Variants in WDR86 observed in about 807,000 individuals in gnomAD.
WDR86 encodes WD repeat-containing protein 86.
A neutral mutation model predicts 36.5 loss-of-function variants in WDR86; 30 were observed. The ratio of observed to expected loss-of-function variants is 0.82; its 90% confidence interval spans 0.61 to 1.11. The LOEUF is 1.11. Among genes scored for constraint, WDR86 ranks in the 50% most tolerant of loss-of-function variants. The pLI is 0.00. For missense variants in WDR86, 545 were observed against 561.2 expected, an observed-to-expected ratio of 0.97 and a Z score of 0.29; for synonymous variants, 255 against 252.9, an observed-to-expected ratio of 1.01 and a Z score of -0.08.
At chr7:151,408,194 C>CTTTTTTTTTTTTTT (rs1167346483) in intron 1 of WDR86, among the ~76,000 whole-genome samples, 1 of 124,672 alleles carries the variant, frequency 8.0e-6, no homozygotes, top group African/African-American at 3.2e-5. Flanking sequence ...TTTTTCTTTT[C>CTTTTTTTTTTTTTT]TTTTCTTTTT....
intron 2 of WDR86, among the ~76,000 whole-genome samples, chr7:151,398,028 A>G (rs564396399): frequency 1.3e-5 from 2 of 152,238 alleles, no homozygotes; most frequent in African/African-American, 4.8e-5. Flanking sequence ...TTACTTAATC[A>G]TGCAAATATC....
At chr7:151,389,118 C>CTTTTTTTTTTTTTTTTTT (rs34882878) in intron 3 of WDR86, among the ~76,000 whole-genome samples, 1 of 125,574 alleles carries the variant, frequency 8.0e-6, no homozygotes, top group Non-Finnish European at 1.7e-5. Context: ...CTTTTCTTTC[C>CTTTTTTTTTTTTTTTTTT]TTTTTTTTTT....
intron 4 of WDR86, among the ~76,000 whole-genome samples, chr7:151,384,290 C>T (rs145350541): frequency 5.3e-5 from 8 of 152,284 alleles, no homozygotes; most frequent in African/African-American, 1.7e-4. Context: ...CCAAAATAAC[C>T]CTGATTCCAT....
chr7:151,376,202 T>C (rs1315325946), downstream of WDR86: 1 of 491,484 alleles, frequency 2.0e-6, no homozygotes, highest in East Asian at 3.8e-5. Context: ...GCACCACTGT[T>C]TGCATCAGCC....
At chr7:151,400,988 G>T (rs1404997815) in intron 1 of WDR86, among the ~76,000 whole-genome samples, 1 of 152,220 alleles carries the variant, frequency 6.6e-6, no homozygotes, top group Non-Finnish European at 1.5e-5. Flanking sequence ...GGAGATTTAA[G>T]ATGCCAGTGA....
At chr7:151,375,597 G>A (rs760162334), downstream of WDR86, among the ~76,000 whole-genome samples, 1 of 152,176 alleles carries the variant, frequency 6.6e-6, no homozygotes, top group African/African-American at 2.4e-5. Context: ...GCTTCCACCT[G>A]CTCTCCATCC....
chr7:151,385,995 C>T (rs1051721079), intron 3 of WDR86, among the ~76,000 whole-genome samples: 7 of 152,304 alleles, frequency 4.6e-5, no homozygotes, highest in African/African-American at 1.7e-4. Context: ...CCAGGGCGGG[C>T]AGGCGGGCTC....
At chr7:151,397,033 A>G (rs2150818245) in intron 2 of WDR86, among the ~76,000 whole-genome samples, 1 of 152,392 alleles carries the variant, frequency 6.6e-6, no homozygotes, top group East Asian at 1.9e-4. Context: ...ATTTGTCTTT[A>G]GTGCAGAGCT....
chr7:151,376,100 G>A lies in WDR86; in HGVS notation n.1190C>T, dbSNP rs531629840. ...CCTGCCCACCTCAGAGGCCACCCAC[G>A]CAGTAACAGAGGGCAGGGGAGGCCT... On this transcript the variant is annotated non_coding_transcript_exon_variant, in exon 2 of 2. Coordinates refer to the WDR86 transcript ENST00000463000. 17 of 617,164 alleles carry A rather than the reference G, an allele frequency of 2.8e-5. No individual in the cohort carries two copies. The African/African-American group carries it at 2.9e-4, about 11-fold the overall frequency. The allele number at this position is 617,164 out of a possible 1,614,324, so 38.2% of individuals were successfully genotyped here.
rs748939517 is a variant in WDR86 at position 151,400,147 on chromosome 7, G to C, written c.258C>G (p.Thr86=). The C allele has an allele frequency of 1.2e-6, 2 of 1,611,818 alleles. No homozygotes were observed. The highest frequency in any genetic ancestry group is 2.7e-5 in the African/African-American group (2 of 74,874). The change falls in exon 2 of 6, where the codon ACC becomes ACG. Residue 86 remains threonine, a synonymous_variant. Coordinates refer to ENST00000334493, the MANE Select transcript of WDR86 (RefSeq NM_198285.3). ...DCTIRRWDVL[T]GQCLQVYRGH... is the part of the protein sequence containing the mutation. ...CTCGGTACACCTGCAGACACTGCCC[G>C]GTCAGCACGTCCCACCTCCTGATGG...
At chr7:151,370,468 T>G in the WDR86 span, among the ~76,000 whole-genome samples, 1 of 152,214 alleles carries the variant, frequency 6.6e-6, no homozygotes, top group Admixed American at 6.5e-5. Flanking sequence ...CTGATACTGA[T>G]TTATTGCTTT....
At chr7:151,396,554 A>G (rs1799838707) in intron 2 of WDR86, among the ~76,000 whole-genome samples, 1 of 152,190 alleles carries the variant, frequency 6.6e-6, no homozygotes, top group African/African-American at 2.4e-5. Context: ...GGGGGAAGGT[A>G]GGGGAGCACG....
Position 151,409,899 on chromosome 7 carries a change from C to A in WDR86, c.-310G>T. 1 of 1,129,600 alleles carries A rather than the reference C, an allele frequency of 8.9e-7. No homozygotes were observed. The highest frequency in any genetic ancestry group is 1.6e-5 in the African/African-American group (1 of 61,932). 70.0% of individuals were successfully genotyped at this position (1,129,600 alleles called of 1,614,324 possible). ...CACCGCTCGGAGGATCCACACCCCA[C>A]CGGGCGAACAAGGCAGCTGCGTCTC... On this transcript the variant is annotated 5_prime_UTR_variant, in exon 1 of 6. Coordinates refer to ENST00000334493, the MANE Select transcript of WDR86 (RefSeq NM_198285.3). The surrounding 1 kb of genome is among the most constrained non-coding windows in gnomAD (Gnocchi z 5.2).
At chr7:151,376,146 G>C, downstream of WDR86, 1 of 546,704 alleles carries the variant, frequency 1.8e-6, no homozygotes, top group South Asian at 2.0e-5. Context: ...CAGGAAAACT[G>C]GGGAAGTGTC....
downstream of WDR86, chr7:151,376,682 G>T (rs1479198581): frequency 6.2e-7 from 1 of 1,611,348 alleles, no homozygotes. Context: ...TGCGCTGAGA[G>T]TGTTCAGAGG....
intron 3 of WDR86, among the ~76,000 whole-genome samples, chr7:151,385,478 C>G (rs1341677204): frequency 6.6e-6 from 1 of 152,244 alleles, no homozygotes; most frequent in Non-Finnish European, 1.5e-5. Flanking sequence ...GGGCCAGTCC[C>G]TGGCTCTCTG....
At chr7:151,398,574 TTGTA>T (rs1241045204) in intron 2 of WDR86, among the ~76,000 whole-genome samples, 1 of 136,540 alleles carries the variant, frequency 7.3e-6, no homozygotes. Flanking sequence ...TGTAAGTTGT[TTGTA>T]TGGTGTATGT....
At chr7:151,369,871 G>T in the WDR86 span, among the ~76,000 whole-genome samples, 1 of 152,204 alleles carries the variant, frequency 6.6e-6, no homozygotes, top group Non-Finnish European at 1.5e-5. Context: ...AGCCTCAGGG[G>T]TATTTGGATG....
At chr7:151,397,380 G>A (rs185408172) in intron 2 of WDR86, among the ~76,000 whole-genome samples, 46 of 152,294 alleles carry the variant, frequency 3.0e-4, no homozygotes, top group African/African-American at 9.6e-4. Context: ...TTTCCAACTG[G>A]CTTCTTCCCT....
Sources: gnomAD v4.1 joint callset for allele counts (sites outside exome capture counted in the v4.1 genomes callset) on GRCh38, gnomAD v4.1.1 for gene constraint, Gnocchi (gnomAD v3.1) non-coding constraint, MANE v1.5 for transcripts, NCBI Gene and HGNC (gene_info 2026-07-23, HGNC 2026-07-21) for gene names.